PPP1R1C: variants seen among roughly 807,000 people sequenced by gnomAD.
PPP1R1C encodes protein phosphatase 1 regulatory inhibitor subunit 1C.
PPP1R1C carries 15 observed loss-of-function variants against 17.4 expected under a neutral mutation model. The observed-to-expected ratio is 0.86, with a 90% CI of 0.58 to 1.33. The LOEUF (loss-of-function observed/expected upper bound fraction) is 1.33. Ranked by LOEUF, PPP1R1C falls within the 40% of genes most tolerant of loss-of-function variation. The pLI, the probability that PPP1R1C is intolerant of heterozygous loss-of-function variation, is 0.00. For missense variants in PPP1R1C, 143 were observed against 130.0 expected, an observed-to-expected ratio of 1.10 and a Z score of -0.48; for synonymous variants, 35 against 43.1, an observed-to-expected ratio of 0.81 and a Z score of 0.73.
intron 2 of PPP1R1C, among the ~76,000 whole-genome samples, chr2:182,042,277 G>T (rs994371967): frequency 2.4e-4 from 36 of 152,156 alleles, no homozygotes; most frequent in Non-Finnish European, 5.9e-5. Context: ...TCATGTCACA[G>T]ATAAATATGA....
At chr2:182,042,454 G>A (rs1687212908) in intron 2 of PPP1R1C, among the ~76,000 whole-genome samples, 2 of 152,092 alleles carry the variant, frequency 1.3e-5, no homozygotes, top group African/African-American at 4.8e-5. Context: ...GACTGTGTTG[G>A]GACCTCCTAA....
At chr2:182,004,480 G>C (rs952825814) in intron 2 of PPP1R1C, among the ~76,000 whole-genome samples, 3 of 152,190 alleles carry the variant, frequency 2.0e-5, no homozygotes, top group African/African-American at 7.2e-5. Context: ...GTAAGGAAGA[G>C]TATGCTGAAA....
chr2:182,109,617 G>A (rs1323560865), intron 4 of PPP1R1C, among the ~76,000 whole-genome samples: 1 of 152,272 alleles, frequency 6.6e-6, no homozygotes, highest in Non-Finnish European at 1.5e-5. Flanking sequence ...TTGCTCCATT[G>A]TATTCCCTTT....
intron 2 of PPP1R1C, among the ~76,000 whole-genome samples, chr2:182,040,226 C>T (rs1010677951): frequency 2.0e-5 from 3 of 152,192 alleles, no homozygotes; most frequent in Non-Finnish European, 4.4e-5. Context: ...GAGAATACTC[C>T]ATACTGTTTT....
At chr2:182,124,327 G>GTTTTTTTTTTTTTTTTTTTTTTTTTTT (rs1294464668) in intron 5 of PPP1R1C, among the ~76,000 whole-genome samples, 23 of 82,990 alleles carry the variant, frequency 2.8e-4, no homozygotes, top group South Asian at 3.8e-4. Context: ...TTTTTTTTTT[G>GTTTTTTTTTTTTTTTTTTTTTTTTTTT]TTTTTTTTTT....
At chr2:182,127,966 C>T (rs948374021) in intron 5 of PPP1R1C, among the ~76,000 whole-genome samples, 7 of 151,954 alleles carry the variant, frequency 4.6e-5, no homozygotes, top group Non-Finnish European at 8.8e-5. Context: ...TTAGGTAATA[C>T]GGGCTGGATA....
intron 2 of PPP1R1C, among the ~76,000 whole-genome samples, chr2:182,018,132 C>T (rs1011634696): frequency 2.6e-5 from 4 of 152,114 alleles, no homozygotes; most frequent in Non-Finnish European, 2.9e-5. Flanking sequence ...TGTGAAAAAA[C>T]GACTTTATAC....
chr2:181,956,506 C>T, intron 1 of PPP1R1C, among the ~76,000 whole-genome samples: 1 of 152,140 alleles, frequency 6.6e-6, no homozygotes, highest in Middle Eastern at 3.2e-3. Flanking sequence ...ATTTACACTC[C>T]CACCAACAGT....
chr2:181,973,090 T>A (rs1685039793), intron 1 of PPP1R1C, among the ~76,000 whole-genome samples: 1 of 152,138 alleles, frequency 6.6e-6, no homozygotes, highest in African/African-American at 2.4e-5. Flanking sequence ...ATGGCACTGG[T>A]GATCCCCAAA....
chr2:182,067,338 CT>C (rs1338628861), intron 4 of PPP1R1C, among the ~76,000 whole-genome samples: 2 of 151,058 alleles, frequency 1.3e-5, no homozygotes, highest in African/African-American at 4.9e-5. Context: ...TGGCTATGAT[CT>C]TGATTTTTTT....
At chr2:181,981,206 G>A (rs1187271395), upstream of PPP1R1C, among the ~76,000 whole-genome samples, 1 of 152,136 alleles carries the variant, frequency 6.6e-6, no homozygotes, top group Non-Finnish European at 1.5e-5. Flanking sequence ...GGGATTACAG[G>A]CGTGAGCCAC....
chr2:182,045,253 T>G (rs1687309121), intron 2 of PPP1R1C, among the ~76,000 whole-genome samples: 1 of 152,206 alleles, frequency 6.6e-6, no homozygotes, highest in Non-Finnish European at 1.5e-5. Flanking sequence ...TCCTTCAATC[T>G]TTAAAACTCA....
At chr2:181,982,295 A>G (rs1176064201), upstream of PPP1R1C, among the ~76,000 whole-genome samples, 3 of 152,248 alleles carry the variant, frequency 2.0e-5, no homozygotes, top group Non-Finnish European at 2.9e-5. Flanking sequence ...GGCAGTTACT[A>G]TAGCAAGAAA....
downstream of PPP1R1C, among the ~76,000 whole-genome samples, chr2:182,119,904 A>G (rs11694699): frequency 0.29 from 44,040 of 152,036 alleles, 7,613 homozygotes; most frequent in African/African-American, 0.49. Flanking sequence ...GAAGGTCTTT[A>G]GTTTAATTAG....
At chr2:182,081,735 C>T (rs950910271) in intron 4 of PPP1R1C, among the ~76,000 whole-genome samples, 8 of 152,204 alleles carry the variant, frequency 5.3e-5, no homozygotes, top group Admixed American at 1.3e-4. Context: ...GCAGGAATTA[C>T]ATTAACTATG....
At chr2:182,002,959 A>C in intron 2 of PPP1R1C, among the ~76,000 whole-genome samples, 1 of 90,924 alleles carries the variant, frequency 1.1e-5, no homozygotes, top group African/African-American at 3.8e-5. Context: ...GAAATCCCCC[A>C]GAACTGTCAT....
rs184522582 is a variant in PPP1R1C, at chr2:182,095,213, C to T, written c.242-21994C>T. ...GCTGTGGAGGCTGAGGTGGGAGAATCGCTTGAACCCCAGAGGCAGAGGTTG... is the reference window on the plus strand; with the variant it reads ...GCTGTGGAGGCTGAGGTGGGAGAATTGCTTGAACCCCAGAGGCAGAGGTTG... On this transcript the variant is annotated intron_variant, in intron 4 of 4. Coordinates refer to ENST00000682840, the MANE Select transcript of PPP1R1C (RefSeq NM_001080545.3). Among the ~76,000 whole-genome samples the T allele has an allele frequency of 9.2e-5, 14 of 152,148 alleles. No individual in the cohort carries two copies. The East Asian group carries it at 2.5e-3, about 27-fold the overall frequency.
chr2:182,119,564 C>T (rs981750544), downstream of PPP1R1C, among the ~76,000 whole-genome samples: 1 of 152,136 alleles, frequency 6.6e-6, no homozygotes, highest in Admixed American at 6.5e-5. Flanking sequence ...CTCTCCAGCA[C>T]CTGTTGTTTC....
chr2:182,025,655 G>A (rs1686583221), intron 2 of PPP1R1C, among the ~76,000 whole-genome samples: 2 of 123,312 alleles, frequency 1.6e-5, no homozygotes, highest in Non-Finnish European at 3.3e-5. Flanking sequence ...TGTGAATAAT[G>A]CCGCAATAAA....
Sources: allele counts gnomAD v4.1 joint callset (sites outside exome capture counted in the v4.1 genomes callset), GRCh38; gene constraint gnomAD v4.1.1; transcripts MANE v1.5; gene names NCBI Gene and HGNC (gene_info 2026-07-23, HGNC 2026-07-21).